The following COL14A1 variants were observed in gnomAD, a reference collection of about 807,000 sequenced individuals.
COL14A1 encodes collagen type XIV alpha 1 chain.
In COL14A1, 136 loss-of-function variants were observed where a neutral mutation model predicts 230.3. The ratio of observed to expected loss-of-function variants is 0.59; its 90% confidence interval spans 0.51 to 0.68. The LOEUF (loss-of-function observed/expected upper bound fraction) is 0.68, where lower values mean the gene tolerates loss of function less well. Ranked by LOEUF, COL14A1 falls within the 30% of genes least tolerant of loss-of-function variation. The probability of loss-of-function intolerance (pLI) is 0.00; values close to 1 mark genes in which losing one functional copy is unlikely to be tolerated. For synonymous variants in COL14A1, 792 were observed against 784.1 expected (o/e 1.01, Z -0.17); for missense variants, 1,976 against 2,215.8 (o/e 0.89, Z 2.17).
intron 47 of COL14A1, 132 bp downstream of exon 47, chr8:120,369,617 C>A (rs74326396): frequency 9.2e-6 from 8 of 866,966 alleles, no homozygotes; most frequent in South Asian, 2.8e-5. Flanking sequence ...GAATGCCTCA[C>A]TTCCTTAAAT....
chr8:120,201,067 A>T (rs1359231840), intron 8 of COL14A1, among the ~76,000 whole-genome samples: 2 of 151,930 alleles, frequency 1.3e-5, no homozygotes, highest in African/African-American at 4.8e-5. Flanking sequence ...TATTTCCCTT[A>T]GTATTAAAAA....
intron 14 of COL14A1, among the ~76,000 whole-genome samples, chr8:120,220,404 G>T (rs1554609919): frequency 1.3e-5 from 2 of 151,784 alleles, no homozygotes. Flanking sequence ...CACCCGAGTA[G>T]CTGGGACTAT....
intron 21 of COL14A1, among the ~76,000 whole-genome samples, chr8:120,249,039 C>T (rs1818854211): frequency 1.3e-5 from 2 of 148,270 alleles, no homozygotes; most frequent in South Asian, 4.3e-4. Context: ...CATTCTCCTG[C>T]CTCAGCTTCT....
rs1820979304 is a variant in COL14A1 at position 120,310,001 on chromosome 8, T to C, written c.4402-8T>C. ...TCTTTGAGCTAATACTTAACATCTG[T>C]TTGCCAGGGTGGTCCAGGACTCCGA... On this transcript the variant is annotated splice_region_variant and splice_polypyrimidine_tract_variant and intron_variant, in intron 36 of 47. Coordinates refer to ENST00000297848, the MANE Select transcript of COL14A1 (RefSeq NM_021110.4). 6.2e-7 allele frequency: 1 copy of C among 1,613,814 alleles called. No individual in the cohort carries two copies. The highest frequency in any genetic ancestry group is 1.1e-5 in the South Asian group (1 of 91,054).
intron 45 of COL14A1, among the ~76,000 whole-genome samples, chr8:120,350,312 G>T (rs1311369983): frequency 1.3e-5 from 2 of 149,648 alleles, no homozygotes; most frequent in Non-Finnish European, 3.0e-5. Flanking sequence ...TCAAGACTAG[G>T]AAGAAACTGC....
At chr8:120,339,022 CA>C (rs1387773794) in intron 42 of COL14A1, among the ~76,000 whole-genome samples, 1 of 151,352 alleles carries the variant, frequency 6.6e-6, no homozygotes, top group Non-Finnish European at 1.5e-5. Context: ...CTTACTTTTG[CA>C]AAAAAAATTT....
chr8:120,184,672 T>G (rs772719022), intron 5 of COL14A1, among the ~76,000 whole-genome samples: 1 of 152,128 alleles, frequency 6.6e-6, no homozygotes, highest in Non-Finnish European at 1.5e-5. Context: ...TCAAATCCAA[T>G]GGCCTGAGAG....
chr8:120,229,837 T>C (rs1049265742), intron 18 of COL14A1, among the ~76,000 whole-genome samples: 34 of 152,240 alleles, frequency 2.2e-4, no homozygotes, highest in Non-Finnish European at 3.7e-4. Context: ...CATTGTGGTT[T>C]TGATTTGCAC....
At chr8:120,163,743 A>T (rs951123376) in intron 4 of COL14A1, among the ~76,000 whole-genome samples, 2 of 152,206 alleles carry the variant, frequency 1.3e-5, no homozygotes, top group African/African-American at 4.8e-5. Flanking sequence ...AGCCTGGGCA[A>T]CAAGAGCAAA....
intron 26 of COL14A1, among the ~76,000 whole-genome samples, chr8:120,273,080 C>T (rs1055438506): frequency 2.6e-5 from 4 of 151,590 alleles, no homozygotes; most frequent in Admixed American, 6.6e-5. Flanking sequence ...AAATCAAAGT[C>T]ATATCAGGCA....
intron 5 of COL14A1, among the ~76,000 whole-genome samples, chr8:120,184,113 G>A (rs1816564816): frequency 6.6e-6 from 1 of 152,024 alleles, no homozygotes; most frequent in Non-Finnish European, 1.5e-5. Context: ...TCTGATGAAA[G>A]CTATCACTAA....
intron 5 of COL14A1, among the ~76,000 whole-genome samples, chr8:120,170,231 A>T (rs1248057955): frequency 6.6e-6 from 1 of 151,820 alleles, no homozygotes; most frequent in Non-Finnish European, 1.5e-5. Flanking sequence ...TTTTTCTAAC[A>T]TCCAGAGTTG....
At chr8:120,160,645 C>T (rs1248390079) in intron 3 of COL14A1, among the ~76,000 whole-genome samples, 1 of 152,220 alleles carries the variant, frequency 6.6e-6, no homozygotes, top group Non-Finnish European at 1.5e-5. Context: ...CCAAGACAAT[C>T]AGTCTTGACA....
At chr8:120,135,789 C>T (rs780450331) in intron 1 of COL14A1, among the ~76,000 whole-genome samples, 1 of 151,698 alleles carries the variant, frequency 6.6e-6, no homozygotes, top group East Asian at 1.9e-4. Context: ...GTCAGTAATA[C>T]ACTTTTATAT....
chr8:120,225,676 T>C (rs1312693075), intron 15 of COL14A1, among the ~76,000 whole-genome samples: 1 of 152,170 alleles, frequency 6.6e-6, no homozygotes, highest in African/African-American at 2.4e-5. Flanking sequence ...CATATAATAA[T>C]AAGTAATATT....
intron 40 of COL14A1, among the ~76,000 whole-genome samples, chr8:120,325,750 C>T (rs1821642838): frequency 6.6e-6 from 1 of 152,174 alleles, no homozygotes; most frequent in African/African-American, 2.4e-5. Context: ...TCCTTGGCCT[C>T]CCAAAGTGCT....
intron 1 of COL14A1, among the ~76,000 whole-genome samples, chr8:120,140,911 C>G (rs1814885421): frequency 6.6e-6 from 1 of 152,186 alleles, no homozygotes; most frequent in South Asian, 2.1e-4. Context: ...TTTAAGAGCA[C>G]TTGTATTAAA....
intron 40 of COL14A1, among the ~76,000 whole-genome samples, chr8:120,328,542 C>T (rs528353202): frequency 6.6e-6 from 1 of 152,126 alleles, no homozygotes; most frequent in East Asian, 1.9e-4. Context: ...GCAGCCTCCA[C>T]TTTTGATTTG....
chr8:120,166,220 C>T (rs936224735), intron 4 of COL14A1, among the ~76,000 whole-genome samples: 8 of 152,132 alleles, frequency 5.3e-5, no homozygotes, highest in Non-Finnish European at 1.0e-4. Flanking sequence ...GGGCAGGGAG[C>T]AGTTGTTTAA....
Sources: gnomAD v4.1 joint callset for allele counts (sites outside exome capture counted in the v4.1 genomes callset) on GRCh38, gnomAD v4.1.1 for gene constraint, MANE v1.5 for transcripts, NCBI Gene and HGNC (gene_info 2026-07-23, HGNC 2026-07-21) for gene names.